ABCC5: variants seen among roughly 807,000 people sequenced by gnomAD.
ABCC5 encodes ATP binding cassette subfamily C member 5, also known as ATP-binding cassette sub-family C member 5.
A neutral mutation model predicts 160.9 loss-of-function variants in ABCC5; 61 were observed. The observed-to-expected ratio is 0.38, with a 90% confidence interval of 0.31 to 0.47. The LOEUF is 0.47. Ranked by LOEUF, ABCC5 falls within the 20% of genes least tolerant of loss-of-function variation. The pLI is 0.99. For synonymous variants in ABCC5, 666 were observed against 700.6 expected (o/e 0.95, Z 0.78); for missense variants, 1,308 against 1,813.3 (o/e 0.72, Z 5.06).
At chr3:183,944,175 G>C (rs965522588) in intron 24 of ABCC5, among the ~76,000 whole-genome samples, 4 of 152,044 alleles carry the variant, frequency 2.6e-5, no homozygotes, top group Admixed American at 2.6e-4. Context: ...GAGGCAGATC[G>C]CTTGAGCCCA....
At chr3:184,008,019 C>A (rs970728427) in intron 2 of ABCC5, among the ~76,000 whole-genome samples, 1 of 152,160 alleles carries the variant, frequency 6.6e-6, no homozygotes, top group African/African-American at 2.4e-5. Context: ...AAGTTTCCAG[C>A]CAAATGATAC....
chr3:183,979,754 T>G (rs181413581), intron 8 of ABCC5, among the ~76,000 whole-genome samples: 85 of 152,196 alleles, frequency 5.6e-4, no homozygotes, highest in Admixed American at 2.4e-3. Context: ...TTATGTTTTA[T>G]TTTTTGTAGA....
At position 183,938,859 on chromosome 3, in the gene ABCC5, C is replaced by T. The variant is rs192488550; in HGVS notation, c.3695-799G>A. Among the ~76,000 whole-genome samples the T allele has an allele frequency of 5.3e-5, 8 of 152,140 alleles. No individual in the cohort carries two copies. The East Asian group carries it at 1.5e-3, about 29-fold the overall frequency. On this transcript the variant is annotated intron_variant, in intron 25 of 29. Coordinates refer to ENST00000334444, the MANE Select transcript of ABCC5 (RefSeq NM_005688.4). ...AGTTCCAGGGATAAATAAACACATA[C>T]GGGAAGGAGGTTTTGCCTCGACTCA...
At chr3:183,935,253 A>T (rs191249186) in intron 26 of ABCC5, among the ~76,000 whole-genome samples, 1,503 of 149,460 alleles carry the variant, frequency 0.01, 7 homozygotes, top group Non-Finnish European at 0.016. Flanking sequence ...TGATCTCGGC[A>T]CACTGTAACC....
intron 17 of ABCC5, among the ~76,000 whole-genome samples, chr3:183,956,007 C>T (rs868543794): frequency 2.1e-5 from 3 of 141,932 alleles, no homozygotes; most frequent in South Asian, 2.3e-4. Flanking sequence ...TATATCACAT[C>T]GGTTACATGT....
chr3:183,965,151 G>A (rs1016877611), intron 14 of ABCC5, 34 bp downstream of exon 14: 1 of 1,610,326 alleles, frequency 6.2e-7, no homozygotes, highest in Non-Finnish European at 8.5e-7. Flanking sequence ...CTGCCACTCT[G>A]CTAAATGCCT....
rs1277731238 is a variant in ABCC5, at chr3:183,949,403, G to A, written c.3227+350C>T. Among the ~76,000 whole-genome samples the A allele has an allele frequency of 1.3e-5, 2 of 152,198 alleles. No individual in the cohort carries two copies. The highest frequency in any genetic ancestry group is 1.3e-4 in the Admixed American group (2 of 15,286). On this transcript the variant is annotated intron_variant, in intron 22 of 29. Transcript: ENST00000334444. This position sits in a 1 kb window ranked among gnomAD's most constrained non-coding sequence, Gnocchi z 4.2. ...CAAGGCCAATAGACTCCTAATCTGT[G>A]GGGTTTGTTCCTTGTATTTTGTTTT...
chr3:183,981,781 T>C lies in ABCC5; in HGVS notation c.1093A>G (p.Ile365Val), dbSNP rs1226801460. Residue 365 changes from isoleucine (I) to valine (V), a missense_variant, in exon 8 of 30, where the codon ATT (isoleucine) becomes GTT (valine). Ile to Val is a conservative substitution (Grantham distance 29, BLOSUM62 3). This residue lies in a region of ABCC5 where 1,142 missense variants were observed against 1,527.1 expected (regional missense o/e 0.75). Coordinates refer to ENST00000334444, the MANE Select transcript of ABCC5 (RefSeq NM_005688.4). ...CAGGCATACATTTTGATAAATTTAA[T>C]GTAAGTAAGAACTTCATTCATCTTC... ...VQKMNEVLTY[I>V]KFIKMYAWVK... is the part of the protein sequence containing the mutation. The C allele has an allele frequency of 4.3e-6, 7 of 1,610,098 alleles. No individual in the cohort carries two copies. The highest frequency in any genetic ancestry group is 2.7e-5 in the African/African-American group (2 of 74,750).
At chr3:183,991,047 G>A (rs554476271) in intron 2 of ABCC5, among the ~76,000 whole-genome samples, 69 of 152,212 alleles carry the variant, frequency 4.5e-4, no homozygotes, top group Non-Finnish European at 7.6e-4. Flanking sequence ...GCTCGCGCCT[G>A]TAATCCTGAC....
At chr3:183,952,692 T>C (rs998825965) in intron 18 of ABCC5, among the ~76,000 whole-genome samples, 3 of 152,182 alleles carry the variant, frequency 2.0e-5, no homozygotes, top group Non-Finnish European at 4.4e-5. Context: ...GTGAAGAAGG[T>C]GCCTCCTTCT....
At position 183,987,444 on chromosome 3, in the gene ABCC5, T is replaced by C. The variant is rs1006797570; in HGVS notation, c.591+326A>G. The stretch of plus-strand genomic sequence containing the variant: ...CACACAACGTGCTCTCACCCACTCA[T>C]AGCACTGCAAGACACATCTGCCTGC... On this transcript the variant is annotated intron_variant, in intron 5 of 29. Transcript: ENST00000334444. This position sits in a 1 kb window ranked among gnomAD's most constrained non-coding sequence, Gnocchi z 4.2. The C allele has an allele frequency of 2.7e-5, 16 of 582,138 alleles. No homozygotes were observed. The highest frequency in any genetic ancestry group is 1.9e-4 in the South Asian group (9 of 46,998). The allele number at this position is 582,138 out of a possible 1,614,324, so 36.1% of individuals were successfully genotyped here.
chr3:183,984,818 C>G, intron 5 of ABCC5: 1 of 1,583,598 alleles, frequency 6.3e-7, no homozygotes, highest in Non-Finnish European at 8.5e-7. Flanking sequence ...TCACGTGAAG[C>G]AACTCAGTAA....
At chr3:183,943,617 T>C (rs913011401) in intron 24 of ABCC5, among the ~76,000 whole-genome samples, 3 of 151,964 alleles carry the variant, frequency 2.0e-5, no homozygotes, top group African/African-American at 7.3e-5. Context: ...GGCCATGGAG[T>C]ATATAGCCTT....
intron 2 of ABCC5, among the ~76,000 whole-genome samples, chr3:184,012,671 C>G (rs1329943388): frequency 6.6e-6 from 1 of 152,188 alleles, no homozygotes; most frequent in Non-Finnish European, 1.5e-5. Flanking sequence ...CTAAATGTGT[C>G]TAGCACTCAG....
At chr3:183,932,340 C>G (rs1444240234) in intron 26 of ABCC5, among the ~76,000 whole-genome samples, 1 of 152,196 alleles carries the variant, frequency 6.6e-6, no homozygotes. Flanking sequence ...ATGAAAAATA[C>G]TAGAGAGAAC....
At chr3:183,935,468 C>A (rs1713614293) in intron 26 of ABCC5, among the ~76,000 whole-genome samples, 2 of 151,808 alleles carry the variant, frequency 1.3e-5, no homozygotes, top group Admixed American at 6.6e-5. Context: ...GTGTGAGCCA[C>A]CGCACTCGGC....
chr3:183,952,915 T>C (rs1223564373), intron 18 of ABCC5, among the ~76,000 whole-genome samples, 171 bp downstream of exon 18: 2 of 152,230 alleles, frequency 1.3e-5, no homozygotes, highest in Non-Finnish European at 2.9e-5. Context: ...TCAGCGTTTT[T>C]TTCCTTCTGG....
intron 26 of ABCC5, among the ~76,000 whole-genome samples, chr3:183,934,032 G>A (rs1213294430): frequency 1.3e-5 from 2 of 152,160 alleles, no homozygotes; most frequent in South Asian, 2.1e-4. Flanking sequence ...CTGGCTGGGC[G>A]CGGTGGCTCA....
chr3:183,945,707 C>A lies in ABCC5; in HGVS notation c.3504+143G>T, dbSNP rs1000064311. 9 of 703,856 alleles carry A rather than the reference C, an allele frequency of 1.3e-5. 1 individual carries two copies. Among genetic ancestry groups the A allele is most frequent in the South Asian group, 1.2e-4 (8 of 64,754 alleles). The allele number at this position is 703,856 out of a possible 1,614,324, so 43.6% of individuals were successfully genotyped here. On this transcript the variant is annotated intron_variant, in intron 24 of 29. Transcript: ENST00000334444. ...GGTAATCTCTTTCCCATTCCAAGCA[C>A]GGTTGAGAGATTGCTGGAGATTCTG...
Sources: allele counts gnomAD v4.1 joint callset (sites outside exome capture counted in the v4.1 genomes callset), GRCh38; gene constraint gnomAD v4.1.1; regional missense constraint gnomAD v4.1.1; non-coding constraint Gnocchi (gnomAD v3.1); transcripts MANE v1.5; gene names NCBI Gene and HGNC (gene_info 2026-07-23, HGNC 2026-07-21).